The following TMBIM6 variants were observed in gnomAD, a reference collection of about 807,000 sequenced individuals.
The protein encoded by TMBIM6 is transmembrane BAX inhibitor motif containing 6.
TMBIM6 carries 13 observed loss-of-function variants against 31.4 expected under a neutral mutation model. The observed-to-expected ratio is 0.41, with a 90% CI of 0.27 to 0.66. The LOEUF (loss-of-function observed/expected upper bound fraction) is 0.66, where lower values mean the gene tolerates loss of function less well. Ranked by LOEUF, TMBIM6 falls within the 30% of genes least tolerant of loss-of-function variation. The pLI, the probability that TMBIM6 is intolerant of heterozygous loss-of-function variation, is 0.28. For synonymous variants in TMBIM6, 85 were observed against 101.7 expected (o/e 0.84, Z 0.99); for missense variants, 275 against 289.5 (o/e 0.95, Z 0.36).
intron 1 of TMBIM6, chr12:49,750,631 G>C (rs1419231283): frequency 6.6e-6 from 1 of 152,208 alleles, no homozygotes. Flanking sequence ...TCAGAGGAGA[G>C]AGCAACAACC....
At chr12:49,762,674 T>A (rs1004843918) in intron 9 of TMBIM6, among the ~76,000 whole-genome samples, 199 bp from the exon 10 acceptor site, 2 of 152,200 alleles carry the variant, frequency 1.3e-5, no homozygotes, top group Non-Finnish European at 2.9e-5. Context: ...ACCTTTATTC[T>A]TGGTCGGTCT....
At chr12:49,751,672 C>G (rs1363754119) in intron 1 of TMBIM6, among the ~76,000 whole-genome samples, 2 of 151,830 alleles carry the variant, frequency 1.3e-5, no homozygotes, top group Admixed American at 6.6e-5. Flanking sequence ...AGTCTTAATG[C>G]CAGACCCAGC....
intron 8 of TMBIM6, 35 bp downstream of exon 8, chr12:49,759,356 G>C (rs749015013): frequency 1.6e-4 from 255 of 1,561,080 alleles, no homozygotes; most frequent in Non-Finnish European, 2.2e-4. Context: ...CAAGCATGAA[G>C]GTTGAGGCAT....
intron 8 of TMBIM6, among the ~76,000 whole-genome samples, chr12:49,760,401 C>T (rs1269407286): frequency 6.6e-6 from 1 of 152,064 alleles, no homozygotes; most frequent in African/African-American, 2.4e-5. Flanking sequence ...CAGGCACGTG[C>T]GACCATGCCA....
At chr12:49,762,002 G>A in intron 9 of TMBIM6, 3 of 490,860 alleles carry the variant, frequency 6.1e-6, no homozygotes, top group Non-Finnish European at 7.2e-6. Context: ...AGTATGAAAG[G>A]GAAAAAAGCT....
intron 6 of TMBIM6, 28 bp downstream of exon 6, chr12:49,758,508 G>A (rs1344858262): frequency 1.2e-6 from 2 of 1,609,242 alleles, no homozygotes; most frequent in Admixed American, 1.7e-5. Context: ...AACAGGGAAT[G>A]GGGGCTCCTT....
At chr12:49,754,449 A>G (rs1482637959) in intron 3 of TMBIM6, among the ~76,000 whole-genome samples, 1 of 152,224 alleles carries the variant, frequency 6.6e-6, no homozygotes, top group Admixed American at 6.5e-5. Context: ...TTCAATGTTA[A>G]GGAATCAAAA....
At chr12:49,747,582 C>CA (rs1945418720) in intron 1 of TMBIM6, among the ~76,000 whole-genome samples, 1 of 152,120 alleles carries the variant, frequency 6.6e-6, no homozygotes, top group South Asian at 2.1e-4. Flanking sequence ...GTGCTGGGCT[C>CA]ACAGGTGTGA....
chr12:49,763,434 T>C lies in TMBIM6; in HGVS notation c.*538T>C, dbSNP rs1202133751. 1 of 153,038 alleles carries C rather than the reference T, an allele frequency of 6.5e-6. No homozygotes were observed. The highest frequency in any genetic ancestry group is 1.5e-5 in the Non-Finnish European group (1 of 68,568). The allele number at this position is 153,038 out of a possible 1,614,324, so 9.5% of individuals were successfully genotyped here. A position where few individuals can be genotyped will look rare whatever the true frequency, so the allele number is the denominator to read the frequency against. The stretch of plus-strand genomic sequence containing the variant: ...ATGGAGAGCCTCTTCTGGTGGATGC[T>C]TTGCTCCCTCTGAGCTGCCCATGCT... On this transcript the variant is annotated 3_prime_UTR_variant, in exon 10 of 10. Transcript: ENST00000267115.
intron 6 of TMBIM6, 97 bp from the exon 7 acceptor site, chr12:49,758,586 T>A: frequency 6.4e-7 from 1 of 1,552,378 alleles, no homozygotes; most frequent in Non-Finnish European, 8.9e-7. Context: ...GAGTTGAGAT[T>A]AACCTTCATT....
rs780953621 is a variant in TMBIM6, at chr12:49,758,690, G to C, written c.441G>C (p.Leu147Phe). The C allele has an allele frequency of 6.2e-6, 10 of 1,614,140 alleles. No individual in the cohort carries two copies. In the South Asian group the frequency reaches 1.1e-4, roughly 18 times the overall value. Reference protein sequence around the residue: ...RRSYLFLGGILMSALSLLLLS... With the variant: ...RRSYLFLGGIFMSALSLLLLS... ...TTTTGCTGTGTCTTATAGGTATCTT[G>C]ATGTCAGCCCTGAGCTTGTTGCTTT... The change falls in exon 7 of 10, where the codon TTG becomes TTC. Residue 147 changes from leucine to phenylalanine, a missense_variant. Coordinates refer to ENST00000267115, the MANE Select transcript of TMBIM6 (RefSeq NM_003217.3).
chr12:49,764,590 T>C lies in TMBIM6; in HGVS notation c.*1694T>C, dbSNP rs1239581309. The C allele has an allele frequency of 6.6e-6, 1 of 152,522 alleles. No homozygotes were observed. Among genetic ancestry groups the C allele is most frequent in the African/African-American group, 2.4e-5 (1 of 41,404 alleles). 9.4% of individuals were successfully genotyped at this position (152,522 alleles called of 1,614,324 possible). A position where few individuals can be genotyped will look rare whatever the true frequency, so the allele number is the denominator to read the frequency against. On this transcript the variant is annotated 3_prime_UTR_variant, in exon 10 of 10. Transcript: ENST00000267115. ...TGTTAACTCTCCATAAATTTGGTGA[T>C]TCTCTGCTAGGCCTAAGATTTTGAG...
At chr12:49,742,124 T>G (rs1323343250) in intron 1 of TMBIM6, 1 of 1,608,788 alleles carries the variant, frequency 6.2e-7, no homozygotes, top group Admixed American at 1.7e-5. Context: ...AGGTAGGGCC[T>G]GGCGGGCGGG....
intron 2 of TMBIM6, 68 bp downstream of exon 2, chr12:49,752,617 A>T: frequency 7.5e-7 from 1 of 1,341,568 alleles, no homozygotes; most frequent in Admixed American, 1.8e-5. Flanking sequence ...CCTTTTCTGC[A>T]TTTATAACTT....
chr12:49,757,650 T>C (rs967305649), intron 4 of TMBIM6, among the ~76,000 whole-genome samples: 28 of 152,194 alleles, frequency 1.8e-4, no homozygotes, highest in African/African-American at 5.8e-4. Flanking sequence ...GGATTAAAAT[T>C]TTTGCATCAG....
intron 1 of TMBIM6, among the ~76,000 whole-genome samples, chr12:49,750,881 A>C (rs1945482049): frequency 6.6e-6 from 1 of 152,188 alleles, no homozygotes; most frequent in African/African-American, 2.4e-5. Flanking sequence ...ATTATTACCT[A>C]GATGAATTGT....
At chr12:49,756,022 A>G (rs1945585425) in intron 4 of TMBIM6, among the ~76,000 whole-genome samples, 1 of 151,710 alleles carries the variant, frequency 6.6e-6, no homozygotes, top group African/African-American at 2.4e-5. Context: ...TTTAGTAGAG[A>G]CGGGGTTTCA....
At chr12:49,760,309 GC>G (rs1396735312) in intron 8 of TMBIM6, among the ~76,000 whole-genome samples, 1 of 152,036 alleles carries the variant, frequency 6.6e-6, no homozygotes, top group African/African-American at 2.4e-5. Flanking sequence ...GTAGTGTGGT[GC>G]CATGAACACA....
intron 8 of TMBIM6, among the ~76,000 whole-genome samples, chr12:49,761,442 C>G (rs907577522): frequency 6.6e-6 from 1 of 152,082 alleles, no homozygotes; most frequent in African/African-American, 2.4e-5. Context: ...TGGGCTCAAG[C>G]AGTCCACCTG....
Sources: gnomAD v4.1 joint callset for allele counts (sites outside exome capture counted in the v4.1 genomes callset) on GRCh38, gnomAD v4.1.1 for gene constraint, MANE v1.5 for transcripts, NCBI Gene and HGNC (gene_info 2026-07-23, HGNC 2026-07-21) for gene names.